Variants in COA5 observed in about 807,000 individuals in gnomAD.
The protein encoded by COA5 is protein C2orf64.
Under a neutral mutation model 11.8 loss-of-function variants are expected in COA5, and 11 were observed. That is an observed-to-expected ratio of 0.93 (90% confidence interval 0.59 to 1.54). The LOEUF (loss-of-function observed/expected upper bound fraction) is 1.54. COA5 is among the 40% of genes most tolerant of loss of function. The pLI, the probability that COA5 is intolerant of heterozygous loss-of-function variation, is 0.00. For synonymous variants in COA5, 38 were observed against 37.5 expected (o/e 1.01, Z -0.05); for missense variants, 87 against 89.2 (o/e 0.97, Z 0.10).
intron 2 of COA5, among the ~76,000 whole-genome samples, chr2:98,601,151 G>A (rs773210798): frequency 1.3e-5 from 2 of 151,890 alleles, no homozygotes; most frequent in Non-Finnish European, 2.9e-5. Flanking sequence ...AGGCTGAGGC[G>A]GGAGAATTGC....
chr2:98,604,178 G>A lies in COA5; in HGVS notation c.113C>T (p.Pro38Leu), dbSNP rs773209736. The change falls in exon 2 of 3, where the codon CCT (proline) becomes CTT (leucine). Residue 38 changes from proline to leucine, a missense_variant. Transcript: ENST00000328709. ...SDCVVQEGKS[P>L]RQCLKEGYCN... ...GTATCCTTCCTTCAAACACTGCCGA[G>A]GTGATTTTCCTTCCTATGACAGACA... is the stretch of plus-strand genomic sequence containing the variant. 38 of 1,613,298 alleles carry A rather than the reference G, an allele frequency of 2.4e-5. No homozygotes were observed. The Admixed American group carries it at 5.2e-4, about 22-fold the overall frequency.
rs573345298 is a variant in COA5 at position 98,604,027 on chromosome 2, A to G, written c.183+81T>C. On this transcript the variant is annotated intron_variant, in intron 2 of 2. Transcript: ENST00000328709. ...CAAACCATATCACTGCAACTTACCTATAACTATTAAGTCATTCATATATTT... is the reference window on the plus strand; with the variant it reads ...CAAACCATATCACTGCAACTTACCTGTAACTATTAAGTCATTCATATATTT... 1.6e-4 allele frequency: 169 copies of G among 1,026,358 alleles called. 1 individual carries two copies. The South Asian group carries it at 1.8e-3, about 11-fold the overall frequency. The allele number at this position is 1,026,358 out of a possible 1,614,324, so 63.6% of individuals were successfully genotyped here. A position where few individuals can be genotyped will look rare whatever the true frequency, so the allele number is the denominator to read the frequency against.
In COA5 at chr2:98,600,419, T is replaced by C; in HGVS notation, c.*333A>G. 2.7e-6 allele frequency: 1 copy of C among 372,558 alleles called. No individual in the cohort carries two copies. Among genetic ancestry groups the C allele is most frequent in the Non-Finnish European group, 5.1e-6 (1 of 197,148 alleles). 23.1% of individuals were successfully genotyped at this position (372,558 alleles called of 1,614,324 possible). ...CTGTGTCAGTCAAATCAGTGGCCTG[T>C]ACTAATTGGGTAATTCAATTGAAGA... On this transcript the variant is annotated 3_prime_UTR_variant, in exon 3 of 3. Transcript: ENST00000328709.
In COA5 at chr2:98,608,396, A is replaced by G. The variant is rs1175876488; in HGVS notation, c.10T>C (p.Tyr4His). The change falls in exon 1 of 3, where the codon TAT (tyrosine) becomes CAT (histidine). Residue 4 changes from tyrosine (Y) to histidine (H), a missense_variant. Physicochemically the swap from Tyr to His is moderately conservative, Grantham distance 83. Transcript: ENST00000328709. ...CCGCCCTGCGGCTTGTCCTCATAAT[A>G]CTTAGGCATGACGGCGCTTCCCCTC... MPK[Y>H]YEDKPQGGAC... The G allele has an allele frequency of 6.2e-7, 1 of 1,600,350 alleles. No individual in the cohort carries two copies.
chr2:98,602,974 C>T (rs753119996), intron 2 of COA5, among the ~76,000 whole-genome samples: 2 of 152,204 alleles, frequency 1.3e-5, no homozygotes, highest in South Asian at 2.1e-4. Flanking sequence ...CCTCTATTCA[C>T]ACTGAATGAC....
Position 98,600,458 on chromosome 2 carries a change from A to AT in COA5, c.*293dup. 4.6e-6 allele frequency: 2 copies of AT among 439,282 alleles called. No homozygotes were observed. Among genetic ancestry groups the AT allele is most frequent in the Non-Finnish European group, 8.4e-6 (2 of 238,830 alleles). The allele number at this position is 439,282 out of a possible 1,614,324, so 27.2% of individuals were successfully genotyped here. On this transcript the variant is annotated 3_prime_UTR_variant, in exon 3 of 3. Transcript: ENST00000328709. ...TTCAATTGAAGAGTCAAGTTTGCAA[A>AT]TAACAGTCTTTCCATTTTCTGTGCT...
chr2:98,600,543 T>G lies in COA5; in HGVS notation c.*209A>C. 1 of 589,400 alleles carries G rather than the reference T, an allele frequency of 1.7e-6. No homozygotes were observed. Among genetic ancestry groups the G allele is most frequent in the Non-Finnish European group, 3.0e-6 (1 of 329,508 alleles). The allele number at this position is 589,400 out of a possible 1,614,324, so 36.5% of individuals were successfully genotyped here. On this transcript the variant is annotated 3_prime_UTR_variant, in exon 3 of 3. Coordinates refer to ENST00000328709, the MANE Select transcript of COA5 (RefSeq NM_001008215.3). ...CCAACCCATACCTGTTCAATTAGGT[T>G]TTTCTTCTAAAAATAACTTGGATCA...
At position 98,604,206 on chromosome 2, in the gene COA5, TAAAAC is replaced by T. The variant is rs1365388315; in HGVS notation, c.100-20_100-16del. ...GATTTTCCTTCCTATGACAGACACA[TAAAAC>T]AATATAAACACCTTGGAAATTTTCT... On this transcript the variant is annotated splice_polypyrimidine_tract_variant and intron_variant, in intron 1 of 2. Transcript: ENST00000328709. 6 of 1,575,638 alleles carry T rather than the reference TAAAAC, an allele frequency of 3.8e-6. No individual in the cohort carries two copies. Among genetic ancestry groups the T allele is most frequent in the African/African-American group, 1.3e-5 (1 of 74,080 alleles).
rs966377140 is a variant in COA5, at chr2:98,606,195, T to G, written c.100-2004A>C. 3.9e-5 allele frequency among the ~76,000 whole-genome samples: 6 copies of G among 152,292 alleles called. 1 individual carries two copies. In the South Asian group the frequency reaches 1.2e-3, roughly 32 times the overall value. On this transcript the variant is annotated intron_variant, in intron 1 of 2. Coordinates refer to ENST00000328709, the MANE Select transcript of COA5 (RefSeq NM_001008215.3). Reference sequence around the variant, plus strand: ...AAGAAATCAAAAATTTCCATCATAATTAAGGTTGCCACACAGAGCAAGCAC... The same window carrying G: ...AAGAAATCAAAAATTTCCATCATAAGTAAGGTTGCCACACAGAGCAAGCAC...
Position 98,600,627 on chromosome 2 carries a change from C to T in COA5, c.*125G>A, listed in dbSNP as rs1700628400. On this transcript the variant is annotated 3_prime_UTR_variant, in exon 3 of 3. Transcript: ENST00000328709. ...AACTCATCCACTTTCTTCAGTGTTC[C>T]ACGGAGGGGAAATCTGGTCCAACCA... The T allele has an allele frequency of 1.3e-6, 1 of 779,712 alleles. No individual in the cohort carries two copies. Among genetic ancestry groups the T allele is most frequent in the Non-Finnish European group, 2.2e-6 (1 of 448,470 alleles). The allele number at this position is 779,712 out of a possible 1,614,324, so 48.3% of individuals were successfully genotyped here.
At chr2:98,602,972 C>A (rs1467063192) in intron 2 of COA5, among the ~76,000 whole-genome samples, 1 of 152,180 alleles carries the variant, frequency 6.6e-6, no homozygotes, top group East Asian at 1.9e-4. Context: ...CTCCTCTATT[C>A]ACACTGAATG....
intron 2 of COA5, 131 bp downstream of exon 2, chr2:98,603,977 G>T: frequency 1.5e-6 from 1 of 676,190 alleles, no homozygotes; most frequent in Non-Finnish European, 2.6e-6. Flanking sequence ...ACTGGAGGAA[G>T]AAATATTATC....
At chr2:98,603,975 A>G (rs1381859928) in intron 2 of COA5, 133 bp downstream of exon 2, 1 of 668,804 alleles carries the variant, frequency 1.5e-6, no homozygotes, top group Non-Finnish European at 2.6e-6. Flanking sequence ...TCACTGGAGG[A>G]AGAAATATTA....
At position 98,608,437 on chromosome 2, in the gene COA5, T is replaced by C. The variant is rs1575226737; in HGVS notation, c.-32A>G. The C allele has an allele frequency of 2.0e-6, 3 of 1,503,428 alleles. No homozygotes were observed. The Middle Eastern group carries it at 5.1e-4, about 254-fold the overall frequency. 93.1% of individuals were successfully genotyped at this position (1,503,428 alleles called of 1,614,324 possible). On this transcript the variant is annotated 5_prime_UTR_variant, in exon 1 of 3. Coordinates refer to ENST00000328709, the MANE Select transcript of COA5 (RefSeq NM_001008215.3). ...GCTTCCCCTCCGATGCGGACGCGACTTTCTCCCACCGCAACACTTGCAACC... is the reference window on the plus strand; with the variant it reads ...GCTTCCCCTCCGATGCGGACGCGACCTTCTCCCACCGCAACACTTGCAACC...
intron 2 of COA5, among the ~76,000 whole-genome samples, chr2:98,603,352 G>T (rs1195254121): frequency 6.6e-6 from 1 of 151,998 alleles, no homozygotes; most frequent in Non-Finnish European, 1.5e-5. Context: ...ACAGTGGCAG[G>T]CGCCTGTAAT....
chr2:98,603,840 A>G (rs1700676518), intron 2 of COA5, among the ~76,000 whole-genome samples: 2 of 152,246 alleles, frequency 1.3e-5, no homozygotes, highest in African/African-American at 2.4e-5. Flanking sequence ...TTACCCGTAT[A>G]TACCTGCCGA....
intron 1 of COA5, among the ~76,000 whole-genome samples, chr2:98,606,769 C>A (rs1039667049): frequency 1.3e-5 from 2 of 151,998 alleles, no homozygotes; most frequent in African/African-American, 2.4e-5. Context: ...CGATGCTGAA[C>A]GTCTGGATAA....
Position 98,600,796 on chromosome 2 carries a change from G to A in COA5, c.184-3C>T. ...CTGAATCTTGCCCTGTTATCCAACTGAAAATAAATATACAATTAAATCAAA... is the reference window on the plus strand; with the variant it reads ...CTGAATCTTGCCCTGTTATCCAACTAAAAATAAATATACAATTAAATCAAA... On this transcript the variant is annotated splice_region_variant and splice_polypyrimidine_tract_variant and intron_variant, in intron 2 of 2. Coordinates refer to ENST00000328709, the MANE Select transcript of COA5 (RefSeq NM_001008215.3). 1 of 1,580,400 alleles carries A rather than the reference G, an allele frequency of 6.3e-7. No individual in the cohort carries two copies. Among genetic ancestry groups the A allele is most frequent in the African/African-American group, 1.3e-5 (1 of 74,234 alleles).
intron 2 of COA5, among the ~76,000 whole-genome samples, chr2:98,602,925 T>C (rs1700660650): frequency 6.6e-6 from 1 of 152,182 alleles, no homozygotes. Flanking sequence ...GCATTTTACA[T>C]GGGTAACAAA....
Sources: allele counts gnomAD v4.1 joint callset (sites outside exome capture counted in the v4.1 genomes callset), GRCh38; gene constraint gnomAD v4.1.1; transcripts MANE v1.5; gene names NCBI Gene and HGNC (gene_info 2026-07-23, HGNC 2026-07-21).